The following EBF3 variants were observed in gnomAD, a reference collection of about 807,000 sequenced individuals.
EBF3 encodes EBF transcription factor 3.
Under a neutral mutation model 77.1 loss-of-function variants are expected in EBF3, and 18 were observed. That is an observed-to-expected ratio of 0.23 (90% confidence interval 0.16 to 0.35). EBF3 has a LOEUF of 0.35. Among genes scored for constraint, EBF3 ranks in the 10% least tolerant of loss-of-function variants. The pLI, the probability that EBF3 is intolerant of heterozygous loss-of-function variation, is 1.00. For synonymous variants in EBF3, 350 were observed against 343.5 expected (o/e 1.02, Z -0.21); for missense variants, 558 against 860.0 (o/e 0.65, Z 4.39).
rs149960200 is a variant in EBF3, at chr10:129,867,839, G to A, written c.855C>T (p.Gly285=). ...TTGGATVIII[G]DNFFDGLQVV... is the part of the protein sequence containing the mutation. ...CTTGCAGCCCGTCAAAGAAGTTGTC[G>A]CCAATTATGATGACGGTGGCACCCC... is the stretch of plus-strand genomic sequence containing the variant. The change falls in exon 9 of 17, where the codon GGC becomes GGT. Residue 285 remains glycine (G), a synonymous_variant. Transcript: ENST00000440978. 1.9e-5 allele frequency: 30 copies of A among 1,614,232 alleles called. No individual in the cohort carries two copies. Among genetic ancestry groups the A allele is most frequent in the Admixed American group, 3.3e-5 (2 of 60,034 alleles).
chr10:129,870,889 C>T lies in EBF3; in HGVS notation c.781+2563G>A, dbSNP rs1267237842. 6.6e-6 allele frequency among the ~76,000 whole-genome samples: 1 copy of T among 152,196 alleles called. No individual in the cohort carries two copies. Among genetic ancestry groups the T allele is most frequent in the Non-Finnish European group, 1.5e-5 (1 of 68,028 alleles). On this transcript the variant is annotated intron_variant, in intron 8 of 16. Coordinates refer to ENST00000440978, the MANE Select transcript of EBF3 (RefSeq NM_001375380.1). This position sits in a 1 kb window ranked among gnomAD's most constrained non-coding sequence, Gnocchi z 4.4. ...TAATCAGCCCTCCTGAGTAATATCA[C>T]AGCATTTGTCACCTTCCTCTGCATT...
chr10:129,908,730 C>T (rs1855314931), intron 6 of EBF3, among the ~76,000 whole-genome samples: 1 of 152,236 alleles, frequency 6.6e-6, no homozygotes, highest in Non-Finnish European at 1.5e-5. Context: ...GGACACAGGC[C>T]AGCTATGCAC....
chr10:129,869,400 A>G (rs1488670774), intron 8 of EBF3, among the ~76,000 whole-genome samples: 2 of 130,068 alleles, frequency 1.5e-5, no homozygotes, highest in Admixed American at 1.6e-4. Flanking sequence ...GCCCCCCACC[A>G]CCCCGCCAGC....
Position 129,840,308 on chromosome 10 carries a change from C to T in EBF3, c.1696G>A (p.Val566Met), listed in dbSNP as rs750150790. ...GGAGGAGAGGCTTGGGGCCGGACCA[C>T]GGGCGCGAAGGCGCTCTTCTGTTTC... Reference protein sequence around the residue: ...AVKQKSAFAPVVRPQASPPPS... With the variant: ...AVKQKSAFAPMVRPQASPPPS... The change falls in exon 15 of 17, where the codon GTG becomes ATG. Residue 566 changes from valine to methionine, a missense_variant. Val to Met is a conservative substitution (Grantham distance 21). Coordinates refer to ENST00000440978, the MANE Select transcript of EBF3 (RefSeq NM_001375380.1). The T allele has an allele frequency of 1.3e-6, 2 of 1,592,538 alleles. No homozygotes were observed. Among genetic ancestry groups the T allele is most frequent in the Non-Finnish European group, 8.5e-7 (1 of 1,169,664 alleles).
In EBF3 at chr10:129,848,375, C is replaced by T. The variant is rs1176306857; in HGVS notation, c.1128+17G>A. The T allele has an allele frequency of 6.2e-7, 1 of 1,613,818 alleles. No homozygotes were observed. The highest frequency in any genetic ancestry group is 2.2e-5 in the East Asian group (1 of 44,868). Reference sequence around the variant, plus strand: ...CGGCCCCACCATGAGCGGGGTGCCACTTGCTCTTTTACTAACCTTGGGTAA... The same window carrying T: ...CGGCCCCACCATGAGCGGGGTGCCATTTGCTCTTTTACTAACCTTGGGTAA... On this transcript the variant is annotated intron_variant, in intron 11 of 16. Coordinates refer to ENST00000440978, the MANE Select transcript of EBF3 (RefSeq NM_001375380.1). This position sits in a 1 kb window ranked among gnomAD's most constrained non-coding sequence, Gnocchi z 4.4.
Position 129,842,871 on chromosome 10 carries a change from C to A in EBF3, c.1194+266G>T, listed in dbSNP as rs530735139. On this transcript the variant is annotated intron_variant, in intron 12 of 16. Transcript: ENST00000440978. The surrounding 1 kb of genome is among the most constrained non-coding windows in gnomAD (Gnocchi z 4.4). Reference sequence around the variant, plus strand: ...CCCAGCGGCACCAACACCGTCCACCCGCCACTGCACACTGCAGATGGGTTT... The same window carrying A: ...CCCAGCGGCACCAACACCGTCCACCAGCCACTGCACACTGCAGATGGGTTT... 2.6e-5 allele frequency among the ~76,000 whole-genome samples: 4 copies of A among 152,258 alleles called. 1 individual carries two copies. In the South Asian group the frequency reaches 6.2e-4, roughly 24 times the overall value.
At chr10:129,905,784 C>T (rs1417121323) in intron 6 of EBF3, among the ~76,000 whole-genome samples, 1 of 152,198 alleles carries the variant, frequency 6.6e-6, no homozygotes, top group African/African-American at 2.4e-5. Flanking sequence ...AACTCGCCTC[C>T]ACCCTGCATG....
chr10:129,950,382 C>T (rs550447579), intron 6 of EBF3, among the ~76,000 whole-genome samples: 1 of 152,090 alleles, frequency 6.6e-6, no homozygotes, highest in East Asian at 1.9e-4. Flanking sequence ...GGAGAGGGAT[C>T]GTTTTCATTT....
intron 6 of EBF3, among the ~76,000 whole-genome samples, chr10:129,923,952 G>C (rs1308910944): frequency 6.6e-6 from 1 of 152,156 alleles, no homozygotes; most frequent in Non-Finnish European, 1.5e-5. Context: ...CCAACGAAAT[G>C]ATTCAAAAAT....
chr10:129,839,134 G>C lies in EBF3; in HGVS notation c.1821C>G (p.Val607=). 7.7e-7 allele frequency: 1 copy of C among 1,304,444 alleles called. No individual in the cohort carries two copies. Among genetic ancestry groups the C allele is most frequent in the Non-Finnish European group, 1.0e-6 (1 of 988,998 alleles). The allele number at this position is 1,304,444 out of a possible 1,614,324, so 80.8% of individuals were successfully genotyped here. ...AEKTNWPFCE[V]GGIFHFDELM... is the part of the protein sequence containing the mutation. The stretch of plus-strand genomic sequence containing the variant: ...GTTCATCAAAGTGAAATATGCCACC[G>C]ACTTCACAAAAGGGCCAGTTTGTCT... The change falls in exon 16 of 17, where the codon GTC becomes GTG. Residue 607 remains valine, a synonymous_variant. Transcript: ENST00000440978.
intron 6 of EBF3, among the ~76,000 whole-genome samples, chr10:129,955,707 G>A (rs1016887729): frequency 3.3e-5 from 5 of 152,200 alleles, no homozygotes; most frequent in African/African-American, 1.2e-4. Context: ...CAAAATGTGA[G>A]CCAAATCAAC....
chr10:129,886,811 C>G (rs970767108), intron 6 of EBF3, among the ~76,000 whole-genome samples: 1 of 152,072 alleles, frequency 6.6e-6, no homozygotes, highest in East Asian at 1.9e-4. Context: ...TAGCACGGTT[C>G]TCCTAAATCT....
At chr10:129,934,055 C>T (rs903997142) in intron 6 of EBF3, among the ~76,000 whole-genome samples, 3 of 152,168 alleles carry the variant, frequency 2.0e-5, no homozygotes, top group East Asian at 1.9e-4. Context: ...ATGTGAATTT[C>T]GGAGAAGCAA....
At chr10:129,908,917 T>C (rs375797817) in intron 6 of EBF3, among the ~76,000 whole-genome samples, 74 of 152,338 alleles carry the variant, frequency 4.9e-4, no homozygotes, top group African/African-American at 1.6e-3. Context: ...CAACTGCCTC[T>C]TTAAGTAACT....
chr10:129,907,672 C>A (rs140683598), intron 6 of EBF3, among the ~76,000 whole-genome samples: 3,499 of 152,262 alleles, frequency 0.023, 53 homozygotes, highest in South Asian at 0.028. Context: ...TGTTAAAAAT[C>A]TTTCAGTTTC....
chr10:129,870,409 C>T lies in EBF3; in HGVS notation c.782-2497G>A, dbSNP rs1852324656. On this transcript the variant is annotated intron_variant, in intron 8 of 16. Transcript: ENST00000440978. This position sits in a 1 kb window ranked among gnomAD's most constrained non-coding sequence, Gnocchi z 4.4. ...GTGGGGACAGGGAGCCCCCACACTC[C>T]CCATCTCTTTCCCGGCCTGGCCCTG... Among the ~76,000 whole-genome samples the T allele has an allele frequency of 6.6e-6, 1 of 151,930 alleles. No individual in the cohort carries two copies. Among genetic ancestry groups the T allele is most frequent in the Non-Finnish European group, 1.5e-5 (1 of 67,990 alleles).
At position 129,938,956 on chromosome 10, in the gene EBF3, C is replaced by T. The variant is rs1857542806; in HGVS notation, c.554+18302G>A. Among the ~76,000 whole-genome samples, 1 of 152,234 alleles carries T rather than the reference C, an allele frequency of 6.6e-6. No homozygotes were observed. The highest frequency in any genetic ancestry group is 1.5e-5 in the Non-Finnish European group (1 of 68,028). On this transcript the variant is annotated intron_variant, in intron 6 of 16. Transcript: ENST00000440978. The surrounding 1 kb of genome is among the most constrained non-coding windows in gnomAD (Gnocchi z 5.1). ...CCCAACTCCATCCTTTAAACAGCTCCTAGAACCTCTGACCTGTCCCAAACA... is the reference window on the plus strand; with the variant it reads ...CCCAACTCCATCCTTTAAACAGCTCTTAGAACCTCTGACCTGTCCCAAACA...
intron 6 of EBF3, among the ~76,000 whole-genome samples, chr10:129,915,462 G>GCACACACACACACACACGCACA (rs1855813007): frequency 2.9e-5 from 4 of 139,634 alleles, no homozygotes; most frequent in African/African-American, 1.1e-4. Flanking sequence ...GCGCACACAT[G>GCACACACACACACACACGCACA]CACACACACA....
Position 129,897,112 on chromosome 10 carries a change from G to T in EBF3, c.555-19263C>A, listed in dbSNP as rs983397257. 7.9e-5 allele frequency among the ~76,000 whole-genome samples: 12 copies of T among 152,338 alleles called. No individual in the cohort carries two copies. Among genetic ancestry groups the T allele is most frequent in the Non-Finnish European group, 1.8e-4 (12 of 68,040 alleles). On this transcript the variant is annotated intron_variant, in intron 6 of 16. Transcript: ENST00000440978. The surrounding 1 kb of genome is among the most constrained non-coding windows in gnomAD (Gnocchi z 4.6). ...GGGCCTAGACGGGCAGTTGGAGCTGGGAGACAGGAAGACAAAGCCGGTCTC... is the reference window on the plus strand; with the variant it reads ...GGGCCTAGACGGGCAGTTGGAGCTGTGAGACAGGAAGACAAAGCCGGTCTC...
Sources: allele counts gnomAD v4.1 joint callset (sites outside exome capture counted in the v4.1 genomes callset), GRCh38; gene constraint gnomAD v4.1.1; non-coding constraint Gnocchi (gnomAD v3.1); transcripts MANE v1.5; gene names NCBI Gene and HGNC (gene_info 2026-07-23, HGNC 2026-07-21).